Variants in BIRC6 observed in about 807,000 individuals in gnomAD.
BIRC6 encodes the protein baculoviral IAP repeat containing 6.
In BIRC6, 98 loss-of-function variants were observed where a neutral mutation model predicts 503.3. The ratio of observed to expected loss-of-function variants is 0.19; its 90% CI spans 0.17 to 0.23. The LOEUF (loss-of-function observed/expected upper bound fraction) is 0.23. Among genes scored for constraint, BIRC6 ranks in the 10% least tolerant of loss-of-function variants. The pLI is 1.00. For synonymous variants in BIRC6, 2,240 were observed against 2,078.7 expected (o/e 1.08, Z -2.11); for missense variants, 5,360 against 5,806.0 (o/e 0.92, Z 2.50).
intron 66 of BIRC6, among the ~76,000 whole-genome samples, chr2:32,587,468 CG>C (rs1243860655): frequency 6.6e-6 from 1 of 152,116 alleles, no homozygotes; most frequent in Non-Finnish European, 1.5e-5. Flanking sequence ...CTAAGTGTGG[CG>C]GTTCATGCCT....
intron 23 of BIRC6, among the ~76,000 whole-genome samples, chr2:32,460,370 G>A (rs573312799): frequency 7.2e-6 from 1 of 138,998 alleles, no homozygotes; most frequent in Non-Finnish European, 1.5e-5. Flanking sequence ...TCCGCCTCCC[G>A]GGTTCAAGTG....
chr2:32,415,090 A>T lies in BIRC6; in HGVS notation c.1799A>T (p.Glu600Val). 1.2e-6 allele frequency: 2 copies of T among 1,613,950 alleles called. No homozygotes were observed. Among genetic ancestry groups the T allele is most frequent in the Non-Finnish European group, 1.7e-6 (2 of 1,179,854 alleles). Reference sequence around the variant, plus strand: ...GATGGTTTAAGCAGAACTCAGGGTGAAAGTATATCAGAACAAGGGTCAACT... The same window carrying T: ...GATGGTTTAAGCAGAACTCAGGGTGTAAGTATATCAGAACAAGGGTCAACT... ...SLDGLSRTQGESISEQGSTDN... is the reference protein window; with the variant it reads ...SLDGLSRTQGVSISEQGSTDN... The change falls in exon 10 of 74, where the codon GAA becomes GTA. Residue 600 changes from glutamate to valine, a missense_variant. Physicochemically the swap from Glu to Val is moderately radical, Grantham distance 121 (BLOSUM62 -2). This residue lies in a region of BIRC6 where 700 missense variants were observed against 739.3 expected (regional missense o/e 0.95). Coordinates refer to ENST00000421745, the MANE Select transcript of BIRC6 (RefSeq NM_016252.4).
chr2:32,543,130 A>C (rs568336302), intron 61 of BIRC6, 111 bp from the exon 62 acceptor site: 1 of 1,220,412 alleles, frequency 8.2e-7, no homozygotes, highest in South Asian at 1.6e-5. Flanking sequence ...AAGCAGCTTT[A>C]TTAATCCTTA....
At chr2:32,442,250 C>CGTTT (rs2045512482) in intron 18 of BIRC6, 24 bp downstream of exon 18, 2 of 1,603,524 alleles carry the variant, frequency 1.2e-6, no homozygotes, top group African/African-American at 2.7e-5. Flanking sequence ...ATTTTGCTTA[C>CGTTT]CACTGTTGAT....
chr2:32,597,651 C>A, intron 68 of BIRC6, 100 bp from the exon 69 acceptor site: 2 of 822,046 alleles, frequency 2.4e-6, no homozygotes, highest in South Asian at 1.7e-5. Flanking sequence ...GTTGGAAGTT[C>A]TCTCCAGTTG....
chr2:32,482,829 T>A (rs2149215738), intron 39 of BIRC6, among the ~76,000 whole-genome samples: 1 of 152,296 alleles, frequency 6.6e-6, no homozygotes, highest in Non-Finnish European at 1.5e-5. Context: ...TTTAATGAAC[T>A]GTGCTGTATT....
Position 32,518,459 on chromosome 2 carries a change from G to A in BIRC6, c.11493+62G>A, listed in dbSNP as rs1348029417. The A allele has an allele frequency of 5.3e-6, 8 of 1,515,760 alleles. No individual in the cohort carries two copies. The Admixed American group carries it at 6.7e-5, about 13-fold the overall frequency. 93.9% of individuals were successfully genotyped at this position (1,515,760 alleles called of 1,614,324 possible). ...ATGTATTTTACAATTTTGTATCAGA[G>A]CCTGCAGTTACCTCCTATGTTCTAA... On this transcript the variant is annotated intron_variant, in intron 56 of 73. Transcript: ENST00000421745.
intron 26 of BIRC6, among the ~76,000 whole-genome samples, chr2:32,466,402 A>T (rs1036913596): frequency 2.0e-5 from 3 of 152,214 alleles, no homozygotes; most frequent in Non-Finnish European, 2.9e-5. Flanking sequence ...AGACTGGGAT[A>T]TGTCTATACT....
At chr2:32,455,757 C>T (rs1320834496) in intron 23 of BIRC6, among the ~76,000 whole-genome samples, 1 of 152,150 alleles carries the variant, frequency 6.6e-6, no homozygotes, top group African/African-American at 2.4e-5. Context: ...CACTCCCCAC[C>T]CATTTCTCCC....
At chr2:32,514,900 G>A (rs2054863240) in intron 54 of BIRC6, 90 bp from the exon 55 acceptor site, 1 of 967,782 alleles carries the variant, frequency 1.0e-6, no homozygotes, top group African/African-American at 1.7e-5. Flanking sequence ...TATAATGTCA[G>A]AGTATACTTT....
chr2:32,480,082 A>G (rs933365671), intron 37 of BIRC6, among the ~76,000 whole-genome samples: 7 of 152,078 alleles, frequency 4.6e-5, no homozygotes, highest in Admixed American at 1.3e-4. Flanking sequence ...TAATCTGTAT[A>G]TGTCAGATGC....
chr2:32,410,376 A>G lies in BIRC6; in HGVS notation c.1477+3819A>G, dbSNP rs184703753. On this transcript the variant is annotated intron_variant, in intron 9 of 73. Coordinates refer to ENST00000421745, the MANE Select transcript of BIRC6 (RefSeq NM_016252.4). Reference sequence around the variant, plus strand: ...AATCTGAATTGTAGAGAAAATATACATGAATATTGAATGACAGAAAAAAGG... The same window carrying G: ...AATCTGAATTGTAGAGAAAATATACGTGAATATTGAATGACAGAAAAAAGG... Among the ~76,000 whole-genome samples, 385 of 152,352 alleles carry G rather than the reference A, an allele frequency of 2.5e-3. 1 individual carries two copies. The highest frequency in any genetic ancestry group is 9.1e-3 in the African/African-American group (378 of 41,580).
Position 32,513,162 on chromosome 2 carries a change from T to C in BIRC6, c.10568+8T>C, listed in dbSNP as rs377322829. 102 of 1,606,134 alleles carry C rather than the reference T, an allele frequency of 6.4e-5. No individual in the cohort carries two copies. The highest frequency in any genetic ancestry group is 8.1e-5 in the Non-Finnish European group (95 of 1,173,966). On this transcript the variant is annotated splice_region_variant and intron_variant, in intron 54 of 73. Coordinates refer to ENST00000421745, the MANE Select transcript of BIRC6 (RefSeq NM_016252.4). ...GGACCAAGAGCTCTTTGAGTAAGTA[T>C]GATTTGTGAAATCTTTTTTATCCCC...
In BIRC6 at chr2:32,502,718, G is replaced by A. The variant is rs920900365; in HGVS notation, c.9208-77G>A. 5.6e-6 allele frequency: 6 copies of A among 1,070,856 alleles called. No individual in the cohort carries two copies. In the East Asian group the frequency reaches 7.8e-5, roughly 14 times the overall value. The allele number at this position is 1,070,856 out of a possible 1,614,324, so 66.3% of individuals were successfully genotyped here. ...TCAGTTTACAAAAATTAACTAGGAAGGAATATTACATGCATTGAGTTTAGT... is the reference window on the plus strand; with the variant it reads ...TCAGTTTACAAAAATTAACTAGGAAAGAATATTACATGCATTGAGTTTAGT... On this transcript the variant is annotated intron_variant, in intron 47 of 73. Transcript: ENST00000421745.
chr2:32,501,607 G>A (rs1248559322), intron 46 of BIRC6, 106 bp from the exon 47 acceptor site: 4 of 868,572 alleles, frequency 4.6e-6, no homozygotes, highest in Admixed American at 3.1e-5. Flanking sequence ...CTGAAGTCAG[G>A]TGATCCACCT....
Position 32,583,778 on chromosome 2 carries a change from T to C in BIRC6, c.13355+8412T>C, listed in dbSNP as rs566126955. ...CAGTCTCTCACTCTGTCGCCCAGGC[T>C]GGAGTGCAGTGACATAATCTTGGCT... On this transcript the variant is annotated intron_variant, in intron 66 of 73. Coordinates refer to ENST00000421745, the MANE Select transcript of BIRC6 (RefSeq NM_016252.4). Among the ~76,000 whole-genome samples the C allele has an allele frequency of 2.0e-5, 3 of 152,336 alleles. No individual in the cohort carries two copies. The East Asian group carries it at 5.8e-4, about 29-fold the overall frequency.
intron 73 of BIRC6, among the ~76,000 whole-genome samples, chr2:32,614,040 A>G (rs991447415): frequency 3.3e-5 from 5 of 152,202 alleles, no homozygotes; most frequent in Admixed American, 3.3e-4. Context: ...CCCTGTCATC[A>G]TCTCCTTAAA....
intron 42 of BIRC6, among the ~76,000 whole-genome samples, chr2:32,489,709 T>G: frequency 6.6e-6 from 1 of 152,132 alleles, no homozygotes; most frequent in East Asian, 1.9e-4. Context: ...GTTACTGTTT[T>G]CAGTTGCCAG....
chr2:32,588,357 A>G (rs1473370440), intron 66 of BIRC6, among the ~76,000 whole-genome samples: 2 of 149,646 alleles, frequency 1.3e-5, no homozygotes, highest in African/African-American at 5.1e-5. Flanking sequence ...CTCCGTCTCA[A>G]TAAATAAATA....
Sources: allele counts gnomAD v4.1 joint callset (sites outside exome capture counted in the v4.1 genomes callset), GRCh38; gene constraint gnomAD v4.1.1; regional missense constraint gnomAD v4.1.1; transcripts MANE v1.5; gene names NCBI Gene and HGNC (gene_info 2026-07-23, HGNC 2026-07-21).